EGFLAM: variants seen among roughly 807,000 people sequenced by gnomAD.
The protein encoded by EGFLAM is EGF like, fibronectin type III and laminin G domains.
A neutral mutation model predicts 113.1 loss-of-function variants in EGFLAM; 79 were observed. The observed-to-expected ratio is 0.70, with a 90% CI of 0.58 to 0.84. The LOEUF (loss-of-function observed/expected upper bound fraction) is 0.84. Among genes scored for constraint, EGFLAM ranks in the 40% least tolerant of loss-of-function variants. The pLI, the probability that EGFLAM is intolerant of heterozygous loss-of-function variation, is 0.00. For synonymous variants in EGFLAM, 504 were observed against 487.6 expected (o/e 1.03, Z -0.44); for missense variants, 1,265 against 1,291.6 (o/e 0.98, Z 0.32).
chr5:38,446,002 C>T (rs780816459), intron 17 of EGFLAM, among the ~76,000 whole-genome samples: 1 of 152,240 alleles, frequency 6.6e-6, no homozygotes, highest in Non-Finnish European at 1.5e-5. Flanking sequence ...ACAGGCCCAC[C>T]GCCACGGGCC....
chr5:38,463,678 T>C lies in EGFLAM; in HGVS notation c.2876-154T>C, dbSNP rs115041704. Among the ~76,000 whole-genome samples, 766 of 152,334 alleles carry C rather than the reference T, an allele frequency of 5.0e-3. 10 individuals carry two copies. Among genetic ancestry groups the C allele is most frequent in the African/African-American group, 0.017 (700 of 41,580 alleles). ...TATAAAATTGAGAGAGGTGAGGTAC[T>C]GAGCAGCTCAAGGGGCCCACAGCCC... On this transcript the variant is annotated intron_variant, in intron 21 of 21. Coordinates refer to ENST00000322350, the MANE Select transcript of EGFLAM (RefSeq NM_152403.4).
intron 1 of EGFLAM, among the ~76,000 whole-genome samples, chr5:38,324,393 C>T (rs1723745684): frequency 6.6e-6 from 1 of 152,180 alleles, no homozygotes; most frequent in Non-Finnish European, 1.5e-5. Context: ...TCCACACATA[C>T]CCCAATAATA....
At chr5:38,411,988 C>T (rs761332038) in intron 10 of EGFLAM, among the ~76,000 whole-genome samples, 9 of 151,956 alleles carry the variant, frequency 5.9e-5, no homozygotes, top group East Asian at 3.9e-4. Context: ...TTAGTAGAAA[C>T]GGGGTTTCAC....
chr5:38,379,723 G>A (rs1186913483), intron 6 of EGFLAM, among the ~76,000 whole-genome samples: 1 of 151,804 alleles, frequency 6.6e-6, no homozygotes, highest in African/African-American at 2.4e-5. Context: ...TTAAAAGACT[G>A]CAGTGATCAG....
At chr5:38,386,603 C>A (rs1285084871) in intron 6 of EGFLAM, among the ~76,000 whole-genome samples, 1 of 152,148 alleles carries the variant, frequency 6.6e-6, no homozygotes, top group Non-Finnish European at 1.5e-5. Flanking sequence ...GCTTCCTGGG[C>A]TCAAGTGATT....
At chr5:38,363,535 G>A (rs1404039727) in intron 5 of EGFLAM, among the ~76,000 whole-genome samples, 1 of 152,048 alleles carries the variant, frequency 6.6e-6, no homozygotes, top group Non-Finnish European at 1.5e-5. Context: ...TTTCTTATCT[G>A]GTTACAATGG....
At chr5:38,288,104 T>A (rs924535113) in intron 1 of EGFLAM, among the ~76,000 whole-genome samples, 1 of 152,256 alleles carries the variant, frequency 6.6e-6, no homozygotes, top group Non-Finnish European at 1.5e-5. Context: ...GAAAGGTACA[T>A]TATGAACTGC....
chr5:38,358,525 G>A (rs1478080818), intron 5 of EGFLAM, among the ~76,000 whole-genome samples: 2 of 149,412 alleles, frequency 1.3e-5, no homozygotes. Flanking sequence ...TGCTAGTTTT[G>A]ATGATATTTC....
At chr5:38,419,743 A>G (rs1741767474) in intron 12 of EGFLAM, among the ~76,000 whole-genome samples, 1 of 152,202 alleles carries the variant, frequency 6.6e-6, no homozygotes, top group African/African-American at 2.4e-5. Flanking sequence ...ATAAGAACCA[A>G]TGGGGCTGGG....
chr5:38,269,159 A>C (rs146757699), intron 1 of EGFLAM, among the ~76,000 whole-genome samples: 21 of 152,278 alleles, frequency 1.4e-4, no homozygotes, highest in Admixed American at 1.4e-3. Context: ...AGCCTGGGCG[A>C]TGGGAGTGAG....
At chr5:38,370,843 G>A (rs780246283) in intron 6 of EGFLAM, among the ~76,000 whole-genome samples, 5 of 152,272 alleles carry the variant, frequency 3.3e-5, no homozygotes, top group African/African-American at 7.2e-5. Context: ...AGGCTTCAGC[G>A]TTCGTGTTCG....
At chr5:38,290,918 A>C (rs1758311564) in intron 1 of EGFLAM, 1 of 152,302 alleles carries the variant, frequency 6.6e-6, no homozygotes, top group South Asian at 2.1e-4. Context: ...GTCTCTACTA[A>C]AAATACTTAA....
chr5:38,336,033 C>T (rs1739172620), intron 1 of EGFLAM, among the ~76,000 whole-genome samples: 1 of 152,120 alleles, frequency 6.6e-6, no homozygotes, highest in African/African-American at 2.4e-5. Flanking sequence ...TGGTCCCTGC[C>T]CTCATGGAGC....
In EGFLAM at chr5:38,406,975, A is replaced by G. The variant is rs1452572002; in HGVS notation, c.976A>G (p.Ile326Val). 6.2e-7 allele frequency: 1 copy of G among 1,614,060 alleles called. No homozygotes were observed. The highest frequency in any genetic ancestry group is 8.5e-7 in the Non-Finnish European group (1 of 1,180,022). Residue 326 changes from isoleucine to valine, a missense_variant, in exon 8 of 22, where the codon ATT becomes GTT. By Grantham distance (29) the Ile-to-Val change is conservative (BLOSUM62 3). Coordinates refer to ENST00000322350, the MANE Select transcript of EGFLAM (RefSeq NM_152403.4). ...TGTGACCACGGTGGCTCCCCAGCCC[A>G]TTCCCATACAGAGAAAGGGGAAGAA... ...LPVTTVAPQP[I>V]PIQRKGKNGV...
intron 1 of EGFLAM, among the ~76,000 whole-genome samples, chr5:38,321,847 TC>T (rs1561277265): frequency 6.6e-6 from 1 of 152,130 alleles, no homozygotes; most frequent in African/African-American, 2.4e-5. Context: ...GCACAAGAGT[TC>T]CCATAGAAGC....
intron 1 of EGFLAM, among the ~76,000 whole-genome samples, chr5:38,271,675 C>G (rs181613696): frequency 2.0e-5 from 3 of 152,204 alleles, no homozygotes; most frequent in Non-Finnish European, 4.4e-5. Flanking sequence ...CAGTTACCTC[C>G]AGTTCTATGA....
chr5:38,288,333 T>C (rs1447304772), intron 1 of EGFLAM, among the ~76,000 whole-genome samples: 1 of 152,166 alleles, frequency 6.6e-6, no homozygotes, highest in Non-Finnish European at 1.5e-5. Context: ...TTTGGGGTTA[T>C]GAAAGAAAGG....
intron 6 of EGFLAM, among the ~76,000 whole-genome samples, chr5:38,395,653 G>A (rs989946650): frequency 4.6e-5 from 7 of 152,146 alleles, no homozygotes; most frequent in Admixed American, 4.6e-4. Context: ...AGACTCAGGT[G>A]CTCACATCTT....
At chr5:38,412,455 A>T in intron 10 of EGFLAM, 49 bp from the exon 11 acceptor site, 1 of 1,613,676 alleles carries the variant, frequency 6.2e-7, no homozygotes, top group South Asian at 1.1e-5. Context: ...CTGAAAACAT[A>T]ATGGCCTGGT....
Sources: gnomAD v4.1 joint callset for allele counts (sites outside exome capture counted in the v4.1 genomes callset) on GRCh38, gnomAD v4.1.1 for gene constraint, MANE v1.5 for transcripts, NCBI Gene and HGNC (gene_info 2026-07-23, HGNC 2026-07-21) for gene names.